Variants in NRXN3 observed in about 807,000 individuals in gnomAD.
NRXN3 encodes neurexin III.
A neutral mutation model predicts 137.6 loss-of-function variants in NRXN3; 32 were observed. That is an observed-to-expected ratio of 0.23 (90% CI 0.18 to 0.31). The LOEUF (loss-of-function observed/expected upper bound fraction) is 0.31. Among genes scored for constraint, NRXN3 ranks in the 10% least tolerant of loss-of-function variants. NRXN3 has a pLI of 1.00. For missense variants in NRXN3, 1,574 were observed against 2,062.5 expected (o/e 0.76, Z 4.59); for synonymous variants, 798 against 784.5 (o/e 1.02, Z -0.29).
At chr14:79,467,472 C>G (rs1352857077) in intron 16 of NRXN3, 70 bp downstream of exon 16, 15 of 1,378,388 alleles carry the variant, frequency 1.1e-5, no homozygotes, top group Non-Finnish European at 1.5e-5. Context: ...CAGGTAGACG[C>G]AGCAGAACAT....
At chr14:79,193,515 A>C (rs966091832) in intron 15 of NRXN3, among the ~76,000 whole-genome samples, 2 of 152,238 alleles carry the variant, frequency 1.3e-5, no homozygotes, top group African/African-American at 4.8e-5. Context: ...AGCACATTAA[A>C]CTTACGTTGC....
At chr14:79,473,978 G>T (rs2096537550) in intron 16 of NRXN3, among the ~76,000 whole-genome samples, 1 of 152,080 alleles carries the variant, frequency 6.6e-6, no homozygotes, top group Admixed American at 6.6e-5. Context: ...CAGGGGAGCT[G>T]GTGTGTGTTT....
At chr14:78,350,635 A>AT (rs1379428696) in intron 4 of NRXN3, among the ~76,000 whole-genome samples, 1 of 152,134 alleles carries the variant, frequency 6.6e-6, no homozygotes, top group Non-Finnish European at 1.5e-5. Flanking sequence ...TTAGATTTGC[A>AT]TTTTTTCAAC....
At chr14:78,646,501 T>C (rs9646166) in intron 5 of NRXN3, among the ~76,000 whole-genome samples, 43,635 of 152,124 alleles carry the variant, frequency 0.29, 6,530 homozygotes, top group Middle Eastern at 0.48. Flanking sequence ...TGATTTAATG[T>C]CTTCTAATGT....
intron 4 of NRXN3, among the ~76,000 whole-genome samples, chr14:78,338,803 T>C (rs1272450909): frequency 6.6e-6 from 1 of 152,132 alleles, no homozygotes; most frequent in Non-Finnish European, 1.5e-5. Flanking sequence ...TACTTTTAGG[T>C]GAAAATTTTG....
chr14:78,870,364 A>G (rs1295886706), intron 10 of NRXN3, among the ~76,000 whole-genome samples: 3 of 152,170 alleles, frequency 2.0e-5, no homozygotes, highest in African/African-American at 7.2e-5. Flanking sequence ...TGTAATCTAT[A>G]AGTTTTTTAA....
chr14:78,930,640 G>A (rs568922758), intron 10 of NRXN3, among the ~76,000 whole-genome samples: 11 of 152,294 alleles, frequency 7.2e-5, no homozygotes, highest in Admixed American at 2.0e-4. Flanking sequence ...TTTTATCTGC[G>A]CTGAAGGTGG....
chr14:78,742,748 A>T (rs1247813453), intron 8 of NRXN3, among the ~76,000 whole-genome samples: 1 of 152,192 alleles, frequency 6.6e-6, no homozygotes, highest in Non-Finnish European at 1.5e-5. Context: ...TCCATTATGT[A>T]GGTAATGAAA....
At chr14:79,284,343 C>CATACATATATATATAT (rs1177586135) in intron 15 of NRXN3, among the ~76,000 whole-genome samples, 6 of 65,082 alleles carry the variant, frequency 9.2e-5, no homozygotes, top group African/African-American at 3.1e-4. Flanking sequence ...ACTAAAAATA[C>CATACATATATATATAT]ATATATATAT....
chr14:78,614,140 C>T (rs528696531), intron 4 of NRXN3, among the ~76,000 whole-genome samples: 1 of 152,260 alleles, frequency 6.6e-6, no homozygotes, highest in East Asian at 1.9e-4. Context: ...AGCATTTAAG[C>T]ACTTTTGTAG....
At chr14:78,874,213 C>G (rs2099108250) in intron 10 of NRXN3, among the ~76,000 whole-genome samples, 1 of 152,116 alleles carries the variant, frequency 6.6e-6, no homozygotes, top group African/African-American at 2.4e-5. Flanking sequence ...CTCAAGTGAT[C>G]CACTTGCCTT....
chr14:79,371,490 A>G (rs968667698), intron 15 of NRXN3, among the ~76,000 whole-genome samples: 3 of 152,110 alleles, frequency 2.0e-5, no homozygotes, highest in African/African-American at 7.2e-5. Flanking sequence ...TTTATATCTG[A>G]TATGTTTAAT....
At chr14:79,712,556 A>G (rs1754278627) in intron 19 of NRXN3, among the ~76,000 whole-genome samples, 1 of 152,160 alleles carries the variant, frequency 6.6e-6, no homozygotes, top group Non-Finnish European at 1.5e-5. Context: ...CTATATTTCT[A>G]CCTCTGACAA....
At chr14:78,229,675 G>C (rs2065120867) in intron 1 of NRXN3, among the ~76,000 whole-genome samples, 1 of 152,180 alleles carries the variant, frequency 6.6e-6, no homozygotes. Flanking sequence ...GATCGACTCT[G>C]TGCCAGGCAC....
chr14:79,093,046 T>A (rs750523013), intron 15 of NRXN3, among the ~76,000 whole-genome samples: 3 of 152,112 alleles, frequency 2.0e-5, no homozygotes, highest in Non-Finnish European at 4.4e-5. Flanking sequence ...TCAACAAATA[T>A]TTATACCATT....
At chr14:79,076,131 TG>T (rs2045932041) in intron 15 of NRXN3, among the ~76,000 whole-genome samples, 1 of 152,216 alleles carries the variant, frequency 6.6e-6, no homozygotes, top group South Asian at 2.1e-4. Flanking sequence ...AGACACGTGC[TG>T]GCCATCATGC....
At chr14:79,507,124 TA>T (rs2096886156) in intron 16 of NRXN3, among the ~76,000 whole-genome samples, 1 of 152,180 alleles carries the variant, frequency 6.6e-6, no homozygotes, top group African/African-American at 2.4e-5. Flanking sequence ...TGTGAACAGC[TA>T]AAAATACAAG....
At chr14:78,691,547 CTT>C (rs2098170461) in intron 6 of NRXN3, among the ~76,000 whole-genome samples, 1 of 152,194 alleles carries the variant, frequency 6.6e-6, no homozygotes, top group African/African-American at 2.4e-5. Flanking sequence ...CCTTGGCTCT[CTT>C]TGTCCTGGAT....
At chr14:79,765,332 A>G (rs995839164) in intron 19 of NRXN3, among the ~76,000 whole-genome samples, 3 of 152,200 alleles carry the variant, frequency 2.0e-5, no homozygotes, top group African/African-American at 7.2e-5. Context: ...AGCCTATCCA[A>G]ATCTTGCAAA....
Sources: gnomAD v4.1 joint callset for allele counts (sites outside exome capture counted in the v4.1 genomes callset) on GRCh38, gnomAD v4.1.1 for gene constraint, MANE v1.5 for transcripts, NCBI Gene and HGNC (gene_info 2026-07-23, HGNC 2026-07-21) for gene names.